The following ATRNL1 variants were observed in gnomAD, a reference collection of about 807,000 sequenced individuals.
ATRNL1 encodes attractin like 1.
Under a neutral mutation model 182.7 loss-of-function variants are expected in ATRNL1, and 95 were observed. The ratio of observed to expected loss-of-function variants is 0.52; its 90% CI spans 0.44 to 0.62. ATRNL1 has a LOEUF of 0.62. Ranked by LOEUF, ATRNL1 falls within the 20% of genes least tolerant of loss-of-function variation. The pLI is 0.00. For missense variants in ATRNL1, 1,471 were observed against 1,679.5 expected, an observed-to-expected ratio of 0.88 and a Z score of 2.17; for synonymous variants, 576 against 568.3, an observed-to-expected ratio of 1.01 and a Z score of -0.19.
intron 28 of ATRNL1, among the ~76,000 whole-genome samples, chr10:115,919,946 AC>A (rs375861865): frequency 5.8e-4 from 88 of 152,300 alleles, no homozygotes; most frequent in African/African-American, 2.1e-3. Flanking sequence ...GCCAAAAGGC[AC>A]CACCTACTAA....
chr10:115,920,209 T>C (rs1953007757), intron 28 of ATRNL1, among the ~76,000 whole-genome samples: 1 of 152,182 alleles, frequency 6.6e-6, no homozygotes, highest in Admixed American at 6.5e-5. Context: ...CGTGGTTTTG[T>C]AAACAAACAC....
At chr10:115,272,483 T>G (rs1851910012) in intron 13 of ATRNL1, among the ~76,000 whole-genome samples, 1 of 152,148 alleles carries the variant, frequency 6.6e-6, no homozygotes, top group Non-Finnish European at 1.5e-5. Context: ...TTGTGTTTTC[T>G]GGAAAAAATT....
intron 18 of ATRNL1, among the ~76,000 whole-genome samples, chr10:115,325,833 A>G (rs1854844333): frequency 6.6e-6 from 1 of 151,686 alleles, no homozygotes; most frequent in Non-Finnish European, 1.5e-5. Flanking sequence ...TTTACCATTA[A>G]TCTGTGAGGG....
chr10:115,353,920 ATCT>A (rs1554942145), intron 19 of ATRNL1, among the ~76,000 whole-genome samples: 1 of 152,124 alleles, frequency 6.6e-6, no homozygotes, highest in Non-Finnish European at 1.5e-5. Context: ...TTGTCTCTAT[ATCT>A]TTTCATATTG....
intron 28 of ATRNL1, among the ~76,000 whole-genome samples, chr10:115,875,110 A>G (rs974114690): frequency 2.0e-5 from 3 of 152,244 alleles, no homozygotes; most frequent in South Asian, 2.1e-4. Context: ...GGACTTGGTG[A>G]CAAATTGAAT....
intron 28 of ATRNL1, among the ~76,000 whole-genome samples, chr10:115,864,749 G>A (rs782233780): frequency 6.6e-6 from 1 of 152,164 alleles, no homozygotes; most frequent in African/African-American, 2.4e-5. Context: ...TTGGGAGGCC[G>A]AGGTGGGCGG....
intron 26 of ATRNL1, among the ~76,000 whole-genome samples, chr10:115,661,198 A>C (rs1860660259): frequency 6.6e-6 from 1 of 152,120 alleles, no homozygotes; most frequent in Non-Finnish European, 1.5e-5. Context: ...TTTACCTCAG[A>C]ACTCTTCCAA....
At chr10:115,532,425 C>T (rs1177564394) in intron 25 of ATRNL1, among the ~76,000 whole-genome samples, 5 of 151,686 alleles carry the variant, frequency 3.3e-5, no homozygotes, top group Admixed American at 6.6e-5. Context: ...ATTTGGCTCT[C>T]TATCTGTTAT....
chr10:115,372,621 G>T (rs959926823), intron 19 of ATRNL1, among the ~76,000 whole-genome samples: 4 of 152,106 alleles, frequency 2.6e-5, no homozygotes, highest in African/African-American at 9.7e-5. Flanking sequence ...AGTAGTCATT[G>T]AAGAGGCTAT....
intron 26 of ATRNL1, among the ~76,000 whole-genome samples, chr10:115,695,893 A>G (rs1448195130): frequency 2.0e-5 from 3 of 151,706 alleles, no homozygotes; most frequent in African/African-American, 7.3e-5. Flanking sequence ...GTGTATATGT[A>G]CAACATTTTC....
At position 115,732,713 on chromosome 10, in the gene ATRNL1, G is replaced by C. The variant is rs139556403; in HGVS notation, c.3903+5358G>C. On this transcript the variant is annotated intron_variant, in intron 27 of 28. Coordinates refer to ENST00000355044, the MANE Select transcript of ATRNL1 (RefSeq NM_207303.4). ...AGAACCAGGGTTCAAATCTCATATT[G>C]GCCTAAGGGTTTCTTTCCCACATTG... is the stretch of plus-strand genomic sequence containing the variant. Among the ~76,000 whole-genome samples the C allele has an allele frequency of 7.4e-3, 1,127 of 152,034 alleles. 15 individuals carry two copies. The highest frequency in any genetic ancestry group is 0.026 in the African/African-American group (1,074 of 41,452).
intron 25 of ATRNL1, among the ~76,000 whole-genome samples, chr10:115,544,855 G>A (rs1852556027): frequency 6.6e-6 from 1 of 152,086 alleles, no homozygotes; most frequent in Non-Finnish European, 1.5e-5. Flanking sequence ...AGTCACCAAA[G>A]GAAGAATATA....
chr10:115,516,240 A>G (rs1389803263), intron 24 of ATRNL1, among the ~76,000 whole-genome samples: 1 of 151,816 alleles, frequency 6.6e-6, no homozygotes, highest in Non-Finnish European at 1.5e-5. Flanking sequence ...ATAAGTAGAA[A>G]TATCATCTTT....
intron 27 of ATRNL1, among the ~76,000 whole-genome samples, chr10:115,755,674 C>G (rs1389291043): frequency 6.6e-6 from 1 of 152,122 alleles, no homozygotes; most frequent in African/African-American, 2.4e-5. Flanking sequence ...CCGGATGATG[C>G]TGGCCTCATA....
chr10:115,617,814 A>T (rs74521453), intron 26 of ATRNL1, among the ~76,000 whole-genome samples: 1 of 152,212 alleles, frequency 6.6e-6, no homozygotes, highest in Non-Finnish European at 1.5e-5. Context: ...TGAGAAGGAC[A>T]TAAGATTTGG....
chr10:115,212,510 A>C (rs1159148049), intron 8 of ATRNL1, among the ~76,000 whole-genome samples: 1 of 151,966 alleles, frequency 6.6e-6, no homozygotes, highest in Non-Finnish European at 1.5e-5. Context: ...ATATCCAAAG[A>C]AATATATTAA....
chr10:115,605,725 G>A (rs1195099968), intron 26 of ATRNL1, among the ~76,000 whole-genome samples: 1 of 151,652 alleles, frequency 6.6e-6, no homozygotes, highest in Non-Finnish European at 1.5e-5. Context: ...GAAATGCATC[G>A]AAAAAATATC....
At chr10:115,307,164 G>A (rs550685260) in intron 17 of ATRNL1, among the ~76,000 whole-genome samples, 2 of 152,048 alleles carry the variant, frequency 1.3e-5, no homozygotes, top group East Asian at 3.9e-4. Context: ...TCTCTGTTCT[G>A]TTGTCATGTT....
chr10:115,532,235 A>G (rs1271547410), intron 25 of ATRNL1, among the ~76,000 whole-genome samples: 1 of 152,092 alleles, frequency 6.6e-6, no homozygotes, highest in Admixed American at 6.5e-5. Context: ...GGCCATTTTC[A>G]TGATATTGAT....
Sources: gnomAD v4.1 joint callset for allele counts (sites outside exome capture counted in the v4.1 genomes callset) on GRCh38, gnomAD v4.1.1 for gene constraint, MANE v1.5 for transcripts, NCBI Gene and HGNC (gene_info 2026-07-23, HGNC 2026-07-21) for gene names.